HIKESHI: variants seen among roughly 807,000 people sequenced by gnomAD.
The protein encoded by HIKESHI is heat shock protein nuclear import factor hikeshi.
In HIKESHI, 13 loss-of-function variants were observed where a neutral mutation model predicts 25.7. The ratio of observed to expected loss-of-function variants is 0.51; its 90% CI spans 0.33 to 0.80. The LOEUF is 0.80. Ranked by LOEUF, HIKESHI falls within the 30% of genes least tolerant of loss-of-function variation. The pLI is 0.02. For synonymous variants in HIKESHI, 76 were observed against 78.7 expected, an observed-to-expected ratio of 0.97 and a Z score of 0.18; for missense variants, 174 against 229.5, an observed-to-expected ratio of 0.76 and a Z score of 1.56.
Position 86,327,419 on chromosome 11 carries a change from A to G in HIKESHI, c.269-9960A>G, listed in dbSNP as rs540103610. Among the ~76,000 whole-genome samples the G allele has an allele frequency of 5.3e-5, 8 of 151,740 alleles. No individual in the cohort carries two copies. The South Asian group carries it at 6.2e-4, about 12-fold the overall frequency. On this transcript the variant is annotated intron_variant, in intron 2 of 4. Coordinates refer to ENST00000278483, the MANE Select transcript of HIKESHI (RefSeq NM_016401.4). Reference sequence around the variant, plus strand: ...CAGCTCCGCCTCCCGGGTTCACACCATTCTCCTGCCTCAGCCTCCCGAGTA... The same window carrying G: ...CAGCTCCGCCTCCCGGGTTCACACCGTTCTCCTGCCTCAGCCTCCCGAGTA...
chr11:86,326,180 C>A (rs1337170281), intron 2 of HIKESHI, among the ~76,000 whole-genome samples: 1 of 152,174 alleles, frequency 6.6e-6, no homozygotes, highest in Non-Finnish European at 1.5e-5. Context: ...TGGTTGTAAT[C>A]CCAGCTACTC....
chr11:86,331,480 C>G (rs1421080953), intron 2 of HIKESHI, among the ~76,000 whole-genome samples: 1 of 152,162 alleles, frequency 6.6e-6, no homozygotes, highest in African/African-American at 2.4e-5. Flanking sequence ...CAAAGCTAGA[C>G]TCTGTCTCAA....
chr11:86,310,472 C>T (rs66527993), intron 2 of HIKESHI, among the ~76,000 whole-genome samples: 19,506 of 152,086 alleles, frequency 0.13, 1,555 homozygotes, highest in East Asian at 0.37. Context: ...TTGGGCTAGA[C>T]GATGGGGTTT....
At chr11:86,315,852 G>T (rs1946963976) in intron 2 of HIKESHI, among the ~76,000 whole-genome samples, 2 of 152,008 alleles carry the variant, frequency 1.3e-5, no homozygotes, top group South Asian at 4.1e-4. Flanking sequence ...AAACACACAA[G>T]AATTAATTAC....
At chr11:86,303,861 T>TA (rs1373646147) in intron 1 of HIKESHI, among the ~76,000 whole-genome samples, 3 of 152,144 alleles carry the variant, frequency 2.0e-5, no homozygotes, top group Non-Finnish European at 2.9e-5. Context: ...ATGTCAAAAA[T>TA]TAGAGTGTGA....
chr11:86,307,896 A>G (rs1456936043), intron 2 of HIKESHI, among the ~76,000 whole-genome samples: 2 of 126,420 alleles, frequency 1.6e-5, no homozygotes, highest in Non-Finnish European at 3.1e-5. Context: ...AATATACAAT[A>G]TATAAAATAT....
At position 86,344,643 on chromosome 11, in the gene HIKESHI, C is replaced by T; in HGVS notation, c.461C>T (p.Ser154Leu). The change falls in exon 4 of 5, where the codon TCA becomes TTA. Residue 154 changes from serine to leucine, a missense_variant. Physicochemically the swap from Ser to Leu is moderately radical, Grantham distance 145 (BLOSUM62 -2). Transcript: ENST00000278483. ...KMLDNFYNFA[S>L]SFAVSQAQMT... ...TTGGACAATTTCTACAATTTTGCTT[C>T]ATCATTTGCTGTCTCTCAGGCCCAG... is the stretch of plus-strand genomic sequence containing the variant. The T allele has an allele frequency of 6.2e-7, 1 of 1,609,076 alleles. No homozygotes were observed.
chr11:86,329,532 A>G (rs1308770132), intron 2 of HIKESHI, among the ~76,000 whole-genome samples: 1 of 151,552 alleles, frequency 6.6e-6, no homozygotes, highest in Non-Finnish European at 1.5e-5. Flanking sequence ...CTATGAAAAA[A>G]ACTTTTTACT....
intron 2 of HIKESHI, among the ~76,000 whole-genome samples, chr11:86,321,124 G>A (rs865909730): frequency 1.3e-5 from 2 of 151,970 alleles, no homozygotes; most frequent in Admixed American, 6.6e-5. Flanking sequence ...TAGTAGAGAC[G>A]AGGTTTCACC....
At chr11:86,310,378 G>T (rs1347129323) in intron 2 of HIKESHI, among the ~76,000 whole-genome samples, 4 of 152,070 alleles carry the variant, frequency 2.6e-5, no homozygotes, top group African/African-American at 7.2e-5. Flanking sequence ...GTCTGTTATT[G>T]GTGTGTAAGA....
intron 4 of HIKESHI, 166 bp downstream of exon 4, chr11:86,344,887 C>A: frequency 2.0e-6 from 1 of 506,088 alleles, no homozygotes; most frequent in Non-Finnish European, 3.4e-6. Flanking sequence ...AGAAACAGTT[C>A]TTACCCTAAA....
intron 2 of HIKESHI, among the ~76,000 whole-genome samples, 168 bp downstream of exon 2, chr11:86,306,650 G>GA (rs1178356983): frequency 2.0e-5 from 3 of 152,004 alleles, no homozygotes; most frequent in African/African-American, 7.3e-5. Context: ...GAAAAATAGT[G>GA]AAAGACTTCC....
chr11:86,309,528 C>T (rs1486761721), intron 2 of HIKESHI, among the ~76,000 whole-genome samples: 2 of 152,134 alleles, frequency 1.3e-5, no homozygotes, highest in African/African-American at 4.8e-5. Context: ...GTTGCCTGTT[C>T]ACTCTGATGG....
At chr11:86,303,307 T>C (rs1946541829) in intron 1 of HIKESHI, 2 of 664,742 alleles carry the variant, frequency 3.0e-6, no homozygotes, top group South Asian at 6.8e-5. Flanking sequence ...CTGAATTGTC[T>C]TTTTTTCCCA....
chr11:86,336,339 G>A (rs1039610848), intron 2 of HIKESHI, among the ~76,000 whole-genome samples: 3 of 152,170 alleles, frequency 2.0e-5, no homozygotes, highest in African/African-American at 7.2e-5. Context: ...CTTTTTATAT[G>A]ATGAGGTCTT....
At chr11:86,322,206 C>G (rs1274448862) in intron 2 of HIKESHI, among the ~76,000 whole-genome samples, 6 of 152,056 alleles carry the variant, frequency 3.9e-5, no homozygotes, top group Admixed American at 3.9e-4. Context: ...AGGCTGATCT[C>G]GAACTCCTGA....
chr11:86,328,455 G>A (rs563472785), intron 2 of HIKESHI, among the ~76,000 whole-genome samples: 47 of 146,968 alleles, frequency 3.2e-4, no homozygotes, highest in East Asian at 2.0e-4. Flanking sequence ...TTTTTGAGAC[G>A]GAGTCTGGCT....
chr11:86,315,136 A>G (rs546777262), intron 2 of HIKESHI, among the ~76,000 whole-genome samples: 6 of 152,348 alleles, frequency 3.9e-5, no homozygotes, highest in African/African-American at 1.4e-4. Flanking sequence ...GTAGAAAAAT[A>G]TAAATAGATA....
At chr11:86,317,991 AT>A (rs1460915548) in intron 2 of HIKESHI, among the ~76,000 whole-genome samples, 1 of 151,978 alleles carries the variant, frequency 6.6e-6, no homozygotes, top group Non-Finnish European at 1.5e-5. Flanking sequence ...AACTGAAATA[AT>A]TTACTTTCAA....
Sources: allele counts gnomAD v4.1 joint callset (sites outside exome capture counted in the v4.1 genomes callset), GRCh38; gene constraint gnomAD v4.1.1; transcripts MANE v1.5; gene names NCBI Gene and HGNC (gene_info 2026-07-23, HGNC 2026-07-21).